NBAS: variants seen among roughly 807,000 people sequenced by gnomAD.
NBAS encodes the protein NAG/BC035112 fusion.
A neutral mutation model predicts 302.5 loss-of-function variants in NBAS; 219 were observed. That is an observed-to-expected ratio of 0.72 (90% CI 0.65 to 0.81). NBAS has a LOEUF of 0.81. Ranked by LOEUF, NBAS falls within the 30% of genes least tolerant of loss-of-function variation. NBAS has a pLI of 0.00. For missense variants in NBAS, 2,932 were observed against 2,841.6 expected (o/e 1.03, Z -0.72); for synonymous variants, 1,118 against 1,021.6 (o/e 1.09, Z -1.80).
the NBAS span, among the ~76,000 whole-genome samples, chr2:14,947,148 C>T: frequency 1.5e-3 from 235 of 151,692 alleles, no homozygotes; most frequent in African/African-American, 5.4e-3. Context: ...AATTAGTAGA[C>T]GGAAACAAAT....
chr2:15,215,457 G>C (rs1461675802), intron 48 of NBAS, among the ~76,000 whole-genome samples: 3 of 152,200 alleles, frequency 2.0e-5, no homozygotes, highest in Non-Finnish European at 4.4e-5. Flanking sequence ...GTCTGCCTAA[G>C]AGGGTTGGCA....
At chr2:15,104,202 A>G in the NBAS span, among the ~76,000 whole-genome samples, 1 of 152,176 alleles carries the variant, frequency 6.6e-6, no homozygotes, top group Non-Finnish European at 1.5e-5. Context: ...CTCCCATGTA[A>G]GATATGTCTT....
At chr2:15,356,025 T>C (rs73197086) in intron 33 of NBAS, among the ~76,000 whole-genome samples, 1,856 of 152,318 alleles carry the variant, frequency 0.012, 35 homozygotes, top group African/African-American at 0.042. Context: ...GGCATTGAAA[T>C]ATTTTGCATA....
the NBAS span, among the ~76,000 whole-genome samples, chr2:15,060,787 A>G: frequency 2.0e-5 from 3 of 152,218 alleles, no homozygotes; most frequent in African/African-American, 7.2e-5. Flanking sequence ...TCCTCCCTTC[A>G]GAGGTTGCTG....
intron 38 of NBAS, among the ~76,000 whole-genome samples, chr2:15,317,963 G>C (rs1270499454): frequency 6.6e-6 from 1 of 152,188 alleles, no homozygotes; most frequent in Non-Finnish European, 1.5e-5. Flanking sequence ...CACCAAGGTT[G>C]AAATAAAGGA....
chr2:15,219,748 T>C (rs1458788988), intron 47 of NBAS, among the ~76,000 whole-genome samples: 26 of 134,800 alleles, frequency 1.9e-4, no homozygotes, highest in African/African-American at 7.2e-4. Flanking sequence ...CCGGCAACCA[T>C]CCGATTTCTC....
intron 50 of NBAS, among the ~76,000 whole-genome samples, chr2:15,182,058 T>C (rs1315820866): frequency 6.6e-6 from 1 of 152,192 alleles, no homozygotes; most frequent in African/African-American, 2.4e-5. Context: ...CAGCCCCAGG[T>C]TGATCACAAT....
the NBAS span, among the ~76,000 whole-genome samples, chr2:15,030,525 C>T: frequency 2.0e-5 from 3 of 152,264 alleles, no homozygotes; most frequent in African/African-American, 4.8e-5. Flanking sequence ...ATTCCCAATG[C>T]CACTGCAAAG....
At chr2:15,059,481 GC>G in the NBAS span, among the ~76,000 whole-genome samples, 1 of 152,104 alleles carries the variant, frequency 6.6e-6, no homozygotes, top group African/African-American at 2.4e-5. Context: ...ATAAGCAGAT[GC>G]CCCCAGAAGG....
At chr2:15,472,463 G>A (rs901881141) in intron 16 of NBAS, among the ~76,000 whole-genome samples, 2 of 152,060 alleles carry the variant, frequency 1.3e-5, no homozygotes, top group Non-Finnish European at 2.9e-5. Flanking sequence ...GTTTTTTCTT[G>A]CCAGTCTTGG....
At chr2:15,195,662 G>C (rs556978456) in intron 48 of NBAS, among the ~76,000 whole-genome samples, 1 of 152,282 alleles carries the variant, frequency 6.6e-6, no homozygotes, top group South Asian at 2.1e-4. Context: ...GGTTGCAGCA[G>C]ATATCAGGGA....
intron 44 of NBAS, among the ~76,000 whole-genome samples, chr2:15,253,274 T>C (rs1012214624): frequency 6.6e-6 from 1 of 151,994 alleles, no homozygotes; most frequent in Non-Finnish European, 1.5e-5. Context: ...GGGAATCAAT[T>C]CTGAAAAAGA....
At chr2:14,795,954 CTTTATGATTTAGAAGT>C in the NBAS span, among the ~76,000 whole-genome samples, 2 of 152,070 alleles carry the variant, frequency 1.3e-5, no homozygotes, top group African/African-American at 2.4e-5. Context: ...TTTATGATTT[CTTTATGATTTAGAAGT>C]TTTATGATTT....
chr2:14,897,677 C>A, the NBAS span, among the ~76,000 whole-genome samples: 2 of 151,878 alleles, frequency 1.3e-5, no homozygotes, highest in Non-Finnish European at 2.9e-5. Context: ...AGCATCTCAG[C>A]ACATCAGCTC....
chr2:15,032,182 T>C, the NBAS span, among the ~76,000 whole-genome samples: 1 of 152,156 alleles, frequency 6.6e-6, no homozygotes, highest in Admixed American at 6.5e-5. Flanking sequence ...GAGACAGAAA[T>C]TGGTACCAAG....
intron 38 of NBAS, among the ~76,000 whole-genome samples, chr2:15,319,684 A>G (rs1342832544): frequency 1.3e-5 from 2 of 152,142 alleles, no homozygotes; most frequent in Non-Finnish European, 2.9e-5. Flanking sequence ...CACCCTCCCA[A>G]GACTAAACCA....
chr2:14,860,297 G>A, the NBAS span, among the ~76,000 whole-genome samples: 2 of 152,124 alleles, frequency 1.3e-5, no homozygotes, highest in Non-Finnish European at 2.9e-5. Flanking sequence ...CCTAAAGATA[G>A]AGCTATCATA....
Position 15,532,575 on chromosome 2 carries a change from C to T in NBAS, c.746+1968G>A, listed in dbSNP as rs1287225523. ...GAGAACAAAGTGAAAATTCTTTGTG[C>T]ATACTCGTGGTAGAGTAAGAAAACT... On this transcript the variant is annotated intron_variant, in intron 9 of 51. Coordinates refer to ENST00000281513, the MANE Select transcript of NBAS (RefSeq NM_015909.4). Among the ~76,000 whole-genome samples, 7 of 150,744 alleles carry T rather than the reference C, an allele frequency of 4.6e-5. No individual in the cohort carries two copies. The East Asian group carries it at 1.4e-3, about 29-fold the overall frequency.
chr2:15,242,723 C>T (rs1667921151), intron 44 of NBAS, among the ~76,000 whole-genome samples: 1 of 151,508 alleles, frequency 6.6e-6, no homozygotes, highest in Non-Finnish European at 1.5e-5. Context: ...AAGCCCACAG[C>T]ATTAACATGT....
Sources: gnomAD v4.1 joint callset for allele counts (sites outside exome capture counted in the v4.1 genomes callset) on GRCh38, gnomAD v4.1.1 for gene constraint, MANE v1.5 for transcripts, NCBI Gene and HGNC (gene_info 2026-07-23, HGNC 2026-07-21) for gene names.